TBCA: variants seen among roughly 807,000 people sequenced by gnomAD.
TBCA encodes the protein tubulin-specific chaperone A.
Under a neutral mutation model 15.8 loss-of-function variants are expected in TBCA, and 6 were observed. The observed-to-expected ratio is 0.38, with a 90% CI of 0.21 to 0.75. The LOEUF is 0.75. TBCA is among the 30% of genes least tolerant of loss of function. The pLI, the probability that TBCA is intolerant of heterozygous loss-of-function variation, is 0.46. For synonymous variants in TBCA, 32 were observed against 42.3 expected, an observed-to-expected ratio of 0.76 and a Z score of 0.94; for missense variants, 90 against 131.2, an observed-to-expected ratio of 0.69 and a Z score of 1.53.
intron 1 of TBCA, among the ~76,000 whole-genome samples, chr5:77,742,739 G>A (rs1461290034): frequency 6.6e-6 from 1 of 152,184 alleles, no homozygotes; most frequent in Non-Finnish European, 1.5e-5. Context: ...TATGGTGAAT[G>A]AGTCTGATAA....
intron 1 of TBCA, among the ~76,000 whole-genome samples, chr5:77,754,718 C>T (rs1379788948): frequency 6.6e-6 from 1 of 152,166 alleles, no homozygotes; most frequent in East Asian, 1.9e-4. Flanking sequence ...AAAAATTACA[C>T]AACCAAAGAT....
intron 1 of TBCA, among the ~76,000 whole-genome samples, chr5:77,774,081 T>C (rs893063409): frequency 6.6e-6 from 1 of 152,186 alleles, no homozygotes; most frequent in African/African-American, 2.4e-5. Context: ...ACATGTCTCA[T>C]TACACATTCC....
At chr5:77,761,697 CTT>C (rs79222866) in intron 1 of TBCA, among the ~76,000 whole-genome samples, 19 of 142,394 alleles carry the variant, frequency 1.3e-4, no homozygotes, top group African/African-American at 1.0e-4. Context: ...AATTTAATCA[CTT>C]TTTTTTTTTT....
chr5:77,763,100 C>T (rs931243871), intron 1 of TBCA, among the ~76,000 whole-genome samples: 38 of 152,098 alleles, frequency 2.5e-4, no homozygotes, highest in African/African-American at 8.4e-4. Context: ...AAAAATTAGC[C>T]GGGCGTGATG....
intron 1 of TBCA, among the ~76,000 whole-genome samples, chr5:77,716,438 G>A (rs1200542134): frequency 6.6e-6 from 1 of 152,152 alleles, no homozygotes; most frequent in Non-Finnish European, 1.5e-5. Context: ...TTAGGCAAAA[G>A]CTTGAATCAC....
At chr5:77,763,450 T>C (rs1169480325) in intron 1 of TBCA, among the ~76,000 whole-genome samples, 1 of 152,148 alleles carries the variant, frequency 6.6e-6, no homozygotes, top group Non-Finnish European at 1.5e-5. Flanking sequence ...AAGTCTGGCA[T>C]TGCAAGCGAC....
intron 1 of TBCA, among the ~76,000 whole-genome samples, chr5:77,757,260 G>A (rs1261213789): frequency 2.6e-5 from 4 of 152,204 alleles, no homozygotes; most frequent in Non-Finnish European, 5.9e-5. Context: ...AGGCCAGCTG[G>A]TTGTTCATCT....
intron 2 of TBCA, among the ~76,000 whole-genome samples, chr5:77,701,968 A>G (rs1476861367): frequency 2.6e-5 from 4 of 151,952 alleles, no homozygotes; most frequent in South Asian, 4.1e-4. Flanking sequence ...GTTCTCACTT[A>G]TAAGTGGGAG....
intron 1 of TBCA, among the ~76,000 whole-genome samples, chr5:77,762,601 T>C (rs887870179): frequency 6.6e-6 from 1 of 152,146 alleles, no homozygotes; most frequent in Non-Finnish European, 1.5e-5. Context: ...GTACCATAAG[T>C]CTAATTAACA....
intron 1 of TBCA, among the ~76,000 whole-genome samples, chr5:77,755,506 T>C (rs383651): frequency 0.62 from 93,993 of 151,610 alleles, 29,141 homozygotes; most frequent in African/African-American, 0.64. Flanking sequence ...ACCTGGGAGG[T>C]GGAGGTTGCA....
intron 1 of TBCA, among the ~76,000 whole-genome samples, chr5:77,771,879 G>T (rs780707920): frequency 6.6e-6 from 1 of 152,134 alleles, no homozygotes; most frequent in African/African-American, 2.4e-5. Context: ...CAAATACCTA[G>T]AATATAATTT....
At chr5:77,746,353 C>G (rs1026423118) in intron 1 of TBCA, among the ~76,000 whole-genome samples, 4 of 152,090 alleles carry the variant, frequency 2.6e-5, no homozygotes, top group African/African-American at 7.2e-5. Flanking sequence ...AGACCCTAGA[C>G]AAGTGGGACA....
chr5:77,701,108 C>T (rs539200308), intron 2 of TBCA, among the ~76,000 whole-genome samples: 6 of 152,256 alleles, frequency 3.9e-5, no homozygotes, highest in African/African-American at 1.4e-4. Context: ...AAGGAACAGT[C>T]AGCAGAGTAA....
At chr5:77,772,177 A>G (rs551573615) in intron 1 of TBCA, among the ~76,000 whole-genome samples, 1 of 152,132 alleles carries the variant, frequency 6.6e-6, no homozygotes, top group East Asian at 1.9e-4. Flanking sequence ...AAATTTGGAG[A>G]GAGGAGGAAA....
chr5:77,709,120 T>C (rs920823821), intron 1 of TBCA, among the ~76,000 whole-genome samples: 3 of 152,104 alleles, frequency 2.0e-5, no homozygotes, highest in African/African-American at 7.2e-5. Context: ...AAAGACTGGA[T>C]TATTTTTTAA....
intron 1 of TBCA, among the ~76,000 whole-genome samples, chr5:77,759,568 T>C (rs1425472727): frequency 6.6e-6 from 1 of 152,134 alleles, no homozygotes; most frequent in Non-Finnish European, 1.5e-5. Context: ...AAGCAAGAGA[T>C]AAAAAATTTA....
intron 1 of TBCA, among the ~76,000 whole-genome samples, chr5:77,769,344 G>C (rs553780648): frequency 1.3e-5 from 2 of 152,272 alleles, no homozygotes; most frequent in Non-Finnish European, 2.9e-5. Flanking sequence ...AATCTTACAG[G>C]AATAATTTAC....
chr5:77,740,256 A>G (rs1455547552), intron 1 of TBCA, among the ~76,000 whole-genome samples: 1 of 152,224 alleles, frequency 6.6e-6, no homozygotes, highest in Admixed American at 6.5e-5. Flanking sequence ...GAAACAACCG[A>G]ATTTTTCCTA....
intron 1 of TBCA, among the ~76,000 whole-genome samples, chr5:77,732,550 C>CAAAAAAAAA (rs35780694): frequency 1.1e-5 from 1 of 89,490 alleles, no homozygotes; most frequent in African/African-American, 4.5e-5. Flanking sequence ...GACTCTGTCT[C>CAAAAAAAAA]AAAAAAAAAA....
Sources: gnomAD v4.1 joint callset for allele counts (sites outside exome capture counted in the v4.1 genomes callset) on GRCh38, gnomAD v4.1.1 for gene constraint, MANE v1.5 for transcripts, NCBI Gene and HGNC (gene_info 2026-07-23, HGNC 2026-07-21) for gene names.